DRD3: variants seen among roughly 807,000 people sequenced by gnomAD.
DRD3 encodes the protein D(3) dopamine receptor.
Under a neutral mutation model 36.3 loss-of-function variants are expected in DRD3, and 19 were observed. The ratio of observed to expected loss-of-function variants is 0.52; its 90% CI spans 0.36 to 0.77. The LOEUF (loss-of-function observed/expected upper bound fraction) is 0.77, where lower values mean the gene tolerates loss of function less well. Among genes scored for constraint, DRD3 ranks in the 30% least tolerant of loss-of-function variants. DRD3 has a pLI of 0.00. For synonymous variants in DRD3, 195 were observed against 203.7 expected, an observed-to-expected ratio of 0.96 and a Z score of 0.36; for missense variants, 465 against 505.3, an observed-to-expected ratio of 0.92 and a Z score of 0.77.
upstream of DRD3, among the ~76,000 whole-genome samples, chr3:114,183,068 A>G (rs1410467679): frequency 1.3e-5 from 2 of 152,190 alleles, no homozygotes; most frequent in African/African-American, 4.8e-5. Flanking sequence ...AGGTACTACC[A>G]TACTGTTTTC....
intron 3 of DRD3, among the ~76,000 whole-genome samples, chr3:114,153,095 A>G (rs992660839): frequency 5.0e-4 from 76 of 152,224 alleles, no homozygotes; most frequent in Non-Finnish European, 1.9e-4. Flanking sequence ...GTCCGCGGGC[A>G]TGAGAAACGG....
chr3:114,178,267 C>T (rs1032977964), intron 1 of DRD3, among the ~76,000 whole-genome samples: 1 of 152,092 alleles, frequency 6.6e-6, no homozygotes, highest in Non-Finnish European at 1.5e-5. Context: ...CTCTGAATTG[C>T]CAGGGTGCTG....
At chr3:114,184,827 A>G (rs962385653) in intron 1 of DRD3, among the ~76,000 whole-genome samples, 6 of 152,064 alleles carry the variant, frequency 3.9e-5, no homozygotes, top group Middle Eastern at 3.2e-3. Flanking sequence ...GCCTCCCAAA[A>G]TGTTGGGATT....
upstream of DRD3, among the ~76,000 whole-genome samples, chr3:114,179,257 G>C (rs1351447739): frequency 2.0e-5 from 3 of 152,070 alleles, no homozygotes; most frequent in South Asian, 6.2e-4. Context: ...TACCACAATT[G>C]GTTAATGGAA....
At chr3:114,198,644 T>G (rs1187332788) in intron 1 of DRD3, among the ~76,000 whole-genome samples, 1 of 152,212 alleles carries the variant, frequency 6.6e-6, no homozygotes, top group East Asian at 1.9e-4. Context: ...GGCTAGCTTT[T>G]ATTTCCCAAT....
At position 114,131,160 on chromosome 3, in the gene DRD3, G is replaced by C. The variant is rs147733622; in HGVS notation, c.964C>G (p.Leu322Val). ...ATTTGGGTTGCCTTCTTCTCCCGAA[G>C]TGGCACTCCCCGAGGTTGCAGGGGC... is the stretch of plus-strand genomic sequence containing the variant. ...LGPLQPRGVPLREKKATQMVA... is the reference protein window; with the variant it reads ...LGPLQPRGVPVREKKATQMVA... Residue 322 changes from leucine (L) to valine (V), a missense_variant, in exon 6 of 7, where the codon CTT becomes GTT. Leu to Val is a conservative substitution (Grantham distance 32). Transcript: ENST00000383673. 1.2e-6 allele frequency: 2 copies of C among 1,614,048 alleles called. No homozygotes were observed. The highest frequency in any genetic ancestry group is 1.7e-6 in the Non-Finnish European group (2 of 1,180,026).
At chr3:114,140,619 G>C (rs2077516095) in intron 4 of DRD3, among the ~76,000 whole-genome samples, 1 of 152,232 alleles carries the variant, frequency 6.6e-6, no homozygotes, top group African/African-American at 2.4e-5. Context: ...CGGATGAGCA[G>C]ATTAAAGCTC....
chr3:114,189,556 C>A (rs1560005783), intron 1 of DRD3, among the ~76,000 whole-genome samples: 1 of 152,204 alleles, frequency 6.6e-6, no homozygotes, highest in Non-Finnish European at 1.5e-5. Flanking sequence ...GACTAGGAAA[C>A]TGACTTAATA....
intron 6 of DRD3, among the ~76,000 whole-genome samples, chr3:114,129,878 C>T (rs980005120): frequency 3.3e-5 from 5 of 152,094 alleles, no homozygotes; most frequent in South Asian, 2.1e-4. Context: ...ACTAACATGG[C>T]GAAACCTTGT....
At chr3:114,149,788 C>T (rs1339196923) in intron 3 of DRD3, among the ~76,000 whole-genome samples, 3 of 152,190 alleles carry the variant, frequency 2.0e-5, no homozygotes, top group Non-Finnish European at 2.9e-5. Flanking sequence ...GAGCTGAGAA[C>T]AGCACTGGTT....
chr3:114,159,854 A>C lies in DRD3; in HGVS notation c.284T>G (p.Val95Gly), dbSNP rs199528192. The change falls in exon 3 of 7, where the codon GTC becomes GGC. Residue 95 changes from valine (V) to glycine (G), a missense_variant. Transcript: ENST00000383673. Reference sequence around the variant, plus strand: ...ACAGCAAATGCGGCTGAAATTCCAGACTCCACCTGTCACCTGGGTATCAGA... The same window carrying C: ...ACAGCAAATGCGGCTGAAATTCCAGCCTCCACCTGTCACCTGGGTATCAGA... Reference protein sequence around the residue: ...WVVYLEVTGGVWNFSRICCDV... With the variant: ...WVVYLEVTGGGWNFSRICCDV... The C allele has an allele frequency of 7.4e-6, 12 of 1,614,058 alleles. No individual in the cohort carries two copies. Among genetic ancestry groups the C allele is most frequent in the Non-Finnish European group, 1.0e-5 (12 of 1,179,932 alleles).
upstream of DRD3, among the ~76,000 whole-genome samples, chr3:114,180,195 A>G (rs966548016): frequency 6.6e-6 from 1 of 152,062 alleles, no homozygotes; most frequent in Non-Finnish European, 1.5e-5. Flanking sequence ...TTAATAATAC[A>G]TTTGTATATA....
upstream of DRD3, among the ~76,000 whole-genome samples, chr3:114,183,758 A>G (rs146977570): frequency 0.017 from 2,599 of 152,172 alleles, 85 homozygotes; most frequent in African/African-American, 0.058. Flanking sequence ...TCTTTTGGTT[A>G]CTATTTGCAT....
At chr3:114,177,996 G>A (rs1436117851) in intron 1 of DRD3, among the ~76,000 whole-genome samples, 1 of 151,936 alleles carries the variant, frequency 6.6e-6, no homozygotes. Flanking sequence ...GTATTTTGAT[G>A]GTATTCAATT....
chr3:114,138,146 G>A (rs1197349583), intron 5 of DRD3, among the ~76,000 whole-genome samples: 1 of 142,380 alleles, frequency 7.0e-6, no homozygotes, highest in African/African-American at 2.6e-5. Flanking sequence ...TCCAGTCTGG[G>A]TGACAGAGCG....
Position 114,171,935 on chromosome 3 carries a change from A to G in DRD3, c.58T>C (p.Ser20Pro), listed in dbSNP as rs1577619530. The G allele has an allele frequency of 6.3e-7, 1 of 1,590,178 alleles. No homozygotes were observed. The highest frequency in any genetic ancestry group is 1.8e-5 in the Admixed American group (1 of 57,092). The change falls in exon 2 of 7, where the codon TCC becomes CCC. Residue 20 changes from serine (S) to proline (P), a missense_variant. Transcript: ENST00000383673. ...GGGCGGGCCTGGCTGGCACCTGTGG[A>G]GTTCTCTGCCCCACAGGTGTAGTTC... is the stretch of plus-strand genomic sequence containing the variant. ...HLNYTCGAEN[S>P]TGASQARPHA...
chr3:114,135,924 C>A (rs917301796), intron 5 of DRD3, among the ~76,000 whole-genome samples: 5 of 152,246 alleles, frequency 3.3e-5, no homozygotes, highest in Admixed American at 2.6e-4. Context: ...AACTCCTGAC[C>A]TGGTGATCTG....
chr3:114,187,207 C>T (rs1469334974), intron 1 of DRD3, among the ~76,000 whole-genome samples: 1 of 152,182 alleles, frequency 6.6e-6, no homozygotes, highest in Non-Finnish European at 1.5e-5. Flanking sequence ...AAAAAATGTT[C>T]TCTAAGATTA....
intron 1 of DRD3, among the ~76,000 whole-genome samples, chr3:114,192,999 G>C (rs1485572782): frequency 2.0e-5 from 3 of 152,170 alleles, no homozygotes; most frequent in African/African-American, 7.2e-5. Context: ...AAAAAAGAAG[G>C]CCGGGCCTGG....
Sources: gnomAD v4.1 joint callset for allele counts (sites outside exome capture counted in the v4.1 genomes callset) on GRCh38, gnomAD v4.1.1 for gene constraint, MANE v1.5 for transcripts, NCBI Gene and HGNC (gene_info 2026-07-23, HGNC 2026-07-21) for gene names.